RFX3: variants seen among roughly 807,000 people sequenced by gnomAD.
The protein encoded by RFX3 is regulatory factor X3.
A neutral mutation model predicts 98.6 loss-of-function variants in RFX3; 14 were observed. The ratio of observed to expected loss-of-function variants is 0.14; its 90% confidence interval spans 0.09 to 0.22. The LOEUF is 0.22. Ranked by LOEUF, RFX3 falls within the 10% of genes least tolerant of loss-of-function variation. The pLI is 1.00. For missense variants in RFX3, 639 were observed against 926.9 expected (o/e 0.69, Z 4.03); for synonymous variants, 383 against 328.4 (o/e 1.17, Z -1.80).
intron 1 of RFX3, among the ~76,000 whole-genome samples, chr9:3,424,348 CTTTTTTTTTTTTTT>C (rs748693786): frequency 2.6e-5 from 2 of 76,008 alleles, no homozygotes; most frequent in South Asian, 4.4e-4. Flanking sequence ...ACATAATTGA[CTTTTTTTTTTTTTT>C]TTTTTTTTTT....
intron 4 of RFX3, among the ~76,000 whole-genome samples, chr9:3,308,189 G>A (rs1376402967): frequency 6.6e-6 from 1 of 152,058 alleles, no homozygotes; most frequent in Admixed American, 6.6e-5. Context: ...ATTATCTAAC[G>A]TTAGGATACA....
chr9:3,366,231 T>C (rs1165835046), intron 2 of RFX3, among the ~76,000 whole-genome samples: 2 of 152,314 alleles, frequency 1.3e-5, no homozygotes, highest in African/African-American at 4.8e-5. Context: ...GTGAGCATTT[T>C]ATGCCCCGGA....
intron 1 of RFX3, among the ~76,000 whole-genome samples, chr9:3,508,401 G>C (rs1205357060): frequency 6.6e-6 from 1 of 151,766 alleles, no homozygotes; most frequent in African/African-American, 2.4e-5. Flanking sequence ...CAGAAATATA[G>C]TTCAATCTAA....
At chr9:3,326,788 G>A (rs1274308368) in intron 4 of RFX3, among the ~76,000 whole-genome samples, 1 of 152,140 alleles carries the variant, frequency 6.6e-6, no homozygotes, top group African/African-American at 2.4e-5. Context: ...AGAAAACTTT[G>A]CCATAGGAAC....
At chr9:3,500,415 A>T (rs1587867638) in intron 1 of RFX3, among the ~76,000 whole-genome samples, 1 of 152,186 alleles carries the variant, frequency 6.6e-6, no homozygotes, top group Non-Finnish European at 1.5e-5. Context: ...AAGAGAAAAC[A>T]AATATGAAAG....
chr9:3,265,461 G>A (rs1271519426), intron 12 of RFX3, among the ~76,000 whole-genome samples: 2 of 152,088 alleles, frequency 1.3e-5, no homozygotes, highest in Non-Finnish European at 2.9e-5. Context: ...CCGATTCAAA[G>A]GCAAAGTATA....
chr9:3,404,875 A>G (rs34804475), intron 1 of RFX3, among the ~76,000 whole-genome samples: 7,363 of 152,206 alleles, frequency 0.048, 209 homozygotes, highest in Middle Eastern at 0.095. Flanking sequence ...CTTGTTCAGA[A>G]GAGTTATCTA....
At chr9:3,243,680 T>C (rs1298301428) in intron 15 of RFX3, among the ~76,000 whole-genome samples, 4 of 152,224 alleles carry the variant, frequency 2.6e-5, no homozygotes, top group African/African-American at 9.6e-5. Flanking sequence ...ACATTCATTG[T>C]TCTTAAGTCA....
intron 1 of RFX3, among the ~76,000 whole-genome samples, chr9:3,504,449 A>G (rs536251643): frequency 5.4e-5 from 7 of 128,518 alleles, no homozygotes; most frequent in Admixed American, 1.7e-4. Context: ...TATAAAATAT[A>G]TATTATATGC....
At position 3,386,374 on chromosome 9, in the gene RFX3, C is replaced by G. The variant is rs1346842119; in HGVS notation, c.117+9098G>C. ...ATTAAAGGCTTATTATAATCAGGTA[C>G]TAACCTAAATATTTTAGCAGAAGTA... On this transcript the variant is annotated intron_variant, in intron 2 of 16. Transcript: ENST00000617270. 2.0e-5 allele frequency among the ~76,000 whole-genome samples: 3 copies of G among 151,938 alleles called. No homozygotes were observed. In the East Asian group the frequency reaches 5.8e-4, roughly 29 times the overall value.
chr9:3,472,773 G>A (rs1848886912), intron 1 of RFX3, among the ~76,000 whole-genome samples: 1 of 152,154 alleles, frequency 6.6e-6, no homozygotes, highest in Non-Finnish European at 1.5e-5. Context: ...ATCCCTATCT[G>A]AACAACTTCA....
intron 2 of RFX3, among the ~76,000 whole-genome samples, chr9:3,392,929 G>A (rs1158647566): frequency 6.6e-6 from 1 of 152,012 alleles, no homozygotes; most frequent in African/African-American, 2.4e-5. Flanking sequence ...TATAAGCACT[G>A]AATTTACTGA....
Position 3,505,316 on chromosome 9 carries a change from T to TTTTATTTATATAA in RFX3, c.-9+20430_-9+20431insTTATATAAATAAA, listed in dbSNP as rs1564187191. On this transcript the variant is annotated intron_variant, in intron 1 of 16. Transcript: ENST00000617270. Reference sequence around the variant, plus strand: ...TATTTATATATATATAAATATATATTAATGTATATTTATATTTTATATAAA... The same window carrying TTTTATTTATATAA: ...TATTTATATATATATAAATATATATTTTTATTTATATAAAATGTATATTTATATTTTATATAAA... Among the ~76,000 whole-genome samples, 10 of 61,762 alleles carry TTTTATTTATATAA rather than the reference T, an allele frequency of 1.6e-4. 1 individual carries two copies. Among genetic ancestry groups the TTTTATTTATATAA allele is most frequent in the East Asian group, 1.3e-3 (1 of 788 alleles). The allele number at this position is 61,762 out of a possible 152,430, so 40.5% of individuals were successfully genotyped here.
At chr9:3,519,504 G>T (rs948439768) in intron 1 of RFX3, among the ~76,000 whole-genome samples, 1 of 152,138 alleles carries the variant, frequency 6.6e-6, no homozygotes, top group Non-Finnish European at 1.5e-5. Context: ...AAGCCAACGC[G>T]TATTGAACAC....
chr9:3,401,655 A>T (rs1429136156), intron 1 of RFX3, among the ~76,000 whole-genome samples: 2 of 152,228 alleles, frequency 1.3e-5, no homozygotes, highest in Non-Finnish European at 2.9e-5. Context: ...CAGGAGAGAC[A>T]TGCACAATTT....
intron 2 of RFX3, 30 bp from the exon 3 acceptor site, chr9:3,346,794 G>A (rs375775164): frequency 2.2e-6 from 3 of 1,374,556 alleles, no homozygotes; most frequent in Non-Finnish European, 2.1e-6. Context: ...ACCTTGGTAA[G>A]AGGTAGGTAT....
intron 2 of RFX3, among the ~76,000 whole-genome samples, chr9:3,385,766 A>T (rs1206033012): frequency 6.6e-6 from 1 of 152,010 alleles, no homozygotes; most frequent in Non-Finnish European, 1.5e-5. Flanking sequence ...CCTTGGGAAT[A>T]GTTGCACTAA....
intron 1 of RFX3, among the ~76,000 whole-genome samples, chr9:3,413,960 C>T (rs1842674161): frequency 6.6e-6 from 1 of 152,078 alleles, no homozygotes; most frequent in African/African-American, 2.4e-5. Flanking sequence ...TGTCTTCTTT[C>T]ATCTTTACCT....
chr9:3,395,450 T>G (rs754111022), intron 2 of RFX3, 22 bp downstream of exon 2: 1 of 1,608,550 alleles, frequency 6.2e-7, no homozygotes, highest in South Asian at 1.1e-5. Context: ...CAGCATCTTT[T>G]CTAAGAGCAG....
Sources: gnomAD v4.1 joint callset for allele counts (sites outside exome capture counted in the v4.1 genomes callset) on GRCh38, gnomAD v4.1.1 for gene constraint, MANE v1.5 for transcripts, NCBI Gene and HGNC (gene_info 2026-07-23, HGNC 2026-07-21) for gene names.